KHDRBS2: variants seen among roughly 807,000 people sequenced by gnomAD.
KHDRBS2 encodes KH domain-containing, RNA-binding, signal transduction-associated protein 2.
Under a neutral mutation model 44.3 loss-of-function variants are expected in KHDRBS2, and 26 were observed. That is an observed-to-expected ratio of 0.59 (90% confidence interval 0.43 to 0.81). KHDRBS2 has a LOEUF of 0.81. KHDRBS2 is among the 40% of genes least tolerant of loss of function. The probability of loss-of-function intolerance (pLI) is 0.00; values close to 1 mark genes in which losing one functional copy is unlikely to be tolerated. For missense variants in KHDRBS2, 476 were observed against 433.1 expected (o/e 1.10, Z -0.88); for synonymous variants, 194 against 151.1 (o/e 1.28, Z -2.08).
At chr6:61,954,809 T>A (rs1158450224) in intron 4 of KHDRBS2, among the ~76,000 whole-genome samples, 1 of 93,550 alleles carries the variant, frequency 1.1e-5, no homozygotes, top group Non-Finnish European at 2.1e-5. Flanking sequence ...TATGTATACA[T>A]ACGCATGTGT....
intron 6 of KHDRBS2, among the ~76,000 whole-genome samples, chr6:61,746,247 C>T (rs59248578): frequency 0.028 from 4,262 of 152,010 alleles, 197 homozygotes; most frequent in African/African-American, 0.097. Flanking sequence ...GTTTAGAAGA[C>T]GTCATCTAAG....
chr6:61,818,754 C>T (rs1276584706), intron 6 of KHDRBS2, among the ~76,000 whole-genome samples: 5 of 151,896 alleles, frequency 3.3e-5, no homozygotes, highest in African/African-American at 1.2e-4. Flanking sequence ...CTGCTAAGTC[C>T]TGAAGGATAG....
chr6:62,212,901 G>A (rs1193806602), intron 1 of KHDRBS2, among the ~76,000 whole-genome samples: 1 of 152,068 alleles, frequency 6.6e-6, no homozygotes, highest in Non-Finnish European at 1.5e-5. Context: ...AGAGAGGGAA[G>A]GGGGTGCATA....
the KHDRBS2 span, among the ~76,000 whole-genome samples, chr6:61,606,433 C>T: frequency 3.9e-5 from 6 of 151,922 alleles, no homozygotes. Context: ...CAAAGTTTTG[C>T]TGAAAATTAA....
chr6:62,181,435 A>G (rs1822267696), intron 1 of KHDRBS2, among the ~76,000 whole-genome samples: 1 of 152,012 alleles, frequency 6.6e-6, no homozygotes, highest in East Asian at 1.9e-4. Flanking sequence ...CAATGGCAAT[A>G]TGAAGAGATG....
At chr6:62,265,327 G>A (rs370249296) in intron 1 of KHDRBS2, among the ~76,000 whole-genome samples, 36 of 152,052 alleles carry the variant, frequency 2.4e-4, no homozygotes, top group African/African-American at 7.9e-4. Context: ...GAGCAGCTAT[G>A]TCCTTTAATT....
intron 1 of KHDRBS2, among the ~76,000 whole-genome samples, chr6:62,264,017 A>G (rs1243261502): frequency 6.6e-6 from 1 of 151,790 alleles, no homozygotes; most frequent in Non-Finnish European, 1.5e-5. Context: ...GGTTTTGCAC[A>G]AAATGCAATC....
At chr6:61,788,470 A>G (rs539632254) in intron 6 of KHDRBS2, among the ~76,000 whole-genome samples, 2 of 151,556 alleles carry the variant, frequency 1.3e-5, no homozygotes, top group African/African-American at 4.8e-5. Context: ...TATGAGAACA[A>G]TTTGTTGTTA....
chr6:62,090,189 T>A (rs1292280741), intron 2 of KHDRBS2, among the ~76,000 whole-genome samples: 1 of 152,198 alleles, frequency 6.6e-6, no homozygotes, highest in Non-Finnish European at 1.5e-5. Context: ...TGAGTGGGTA[T>A]TAACAAGAAC....
At chr6:61,663,569 G>A in the KHDRBS2 span, among the ~76,000 whole-genome samples, 2 of 112,520 alleles carry the variant, frequency 1.8e-5, no homozygotes, top group Non-Finnish European at 3.6e-5. Context: ...CCTATGGCTT[G>A]GGCAAGCTTC....
intron 3 of KHDRBS2, 28 bp downstream of exon 3, chr6:62,047,850 G>T: frequency 7.0e-7 from 1 of 1,420,490 alleles, no homozygotes; most frequent in Non-Finnish European, 1.0e-6. Flanking sequence ...TCCTGAATGT[G>T]GTAAATATTA....
intron 3 of KHDRBS2, among the ~76,000 whole-genome samples, chr6:61,989,443 C>T (rs1478981385): frequency 1.3e-5 from 2 of 152,166 alleles, no homozygotes; most frequent in African/African-American, 4.8e-5. Flanking sequence ...ACCCCAATTG[C>T]CAGGTAAGGT....
intron 6 of KHDRBS2, among the ~76,000 whole-genome samples, chr6:61,748,595 A>G (rs1310651780): frequency 2.0e-5 from 3 of 152,220 alleles, no homozygotes; most frequent in African/African-American, 7.2e-5. Flanking sequence ...TATATATTCT[A>G]TTGTAACTAT....
At chr6:61,723,117 A>G (rs975003989) in intron 7 of KHDRBS2, among the ~76,000 whole-genome samples, 2 of 152,036 alleles carry the variant, frequency 1.3e-5, no homozygotes, top group African/African-American at 2.4e-5. Context: ...AGACCCAAGC[A>G]AACCACAGCA....
At chr6:61,555,052 T>A in the KHDRBS2 span, among the ~76,000 whole-genome samples, 1 of 152,140 alleles carries the variant, frequency 6.6e-6, no homozygotes, top group Non-Finnish European at 1.5e-5. Flanking sequence ...GTTGGCCTAT[T>A]TAGTAAGGTT....
At position 61,954,818 on chromosome 6, in the gene KHDRBS2, G is replaced by GTA. The variant is rs1583733145; in HGVS notation, c.483+23246_483+23247dup. On this transcript the variant is annotated intron_variant, in intron 4 of 8. Transcript: ENST00000281156. ...CATATGTATGTATACATACGCATGTGTATATACACATGCATATGTATGTAT... is the reference window on the plus strand; with the variant it reads ...CATATGTATGTATACATACGCATGTGTATATATACACATGCATATGTATGTAT... Among the ~76,000 whole-genome samples, 2 of 65,250 alleles carry GTA rather than the reference G, an allele frequency of 3.1e-5. 1 individual carries two copies. Among genetic ancestry groups the GTA allele is most frequent in the Non-Finnish European group, 5.9e-5 (2 of 33,978 alleles). The allele number at this position is 65,250 out of a possible 152,430, so 42.8% of individuals were successfully genotyped here. A position where few individuals can be genotyped will look rare whatever the true frequency, so the allele number is the denominator to read the frequency against.
At chr6:61,718,907 C>T (rs950629464) in intron 7 of KHDRBS2, among the ~76,000 whole-genome samples, 1 of 152,184 alleles carries the variant, frequency 6.6e-6, no homozygotes, top group African/African-American at 2.4e-5. Flanking sequence ...CGCCCCCACA[C>T]TGTTTCAGCC....
intron 6 of KHDRBS2, among the ~76,000 whole-genome samples, chr6:61,740,817 T>A (rs1367539356): frequency 6.6e-6 from 1 of 151,908 alleles, no homozygotes; most frequent in African/African-American, 2.4e-5. Context: ...CGTGATACGA[T>A]TAAGAGTTGG....
At chr6:61,862,174 G>T (rs1452893568) in intron 6 of KHDRBS2, among the ~76,000 whole-genome samples, 1 of 152,126 alleles carries the variant, frequency 6.6e-6, no homozygotes, top group Non-Finnish European at 1.5e-5. Flanking sequence ...AAGGTAGTTT[G>T]TAAGCAAAGA....
Sources: allele counts gnomAD v4.1 joint callset (sites outside exome capture counted in the v4.1 genomes callset), GRCh38; gene constraint gnomAD v4.1.1; transcripts MANE v1.5; gene names NCBI Gene and HGNC (gene_info 2026-07-23, HGNC 2026-07-21).